The following RAB28 variants were observed in gnomAD, a reference collection of about 807,000 sequenced individuals.
The protein encoded by RAB28 is RAB28, member RAS oncogene family, also known as ras-related protein Rab-28.
RAB28 carries 24 observed loss-of-function variants against 31.7 expected under a neutral mutation model. That is an observed-to-expected ratio of 0.76 (90% CI 0.55 to 1.06). The LOEUF (loss-of-function observed/expected upper bound fraction) is 1.06, where lower values mean the gene tolerates loss of function less well. Ranked by LOEUF, RAB28 falls within the 50% of genes least tolerant of loss-of-function variation. RAB28 has a pLI of 0.00. For missense variants in RAB28, 254 were observed against 258.5 expected, an observed-to-expected ratio of 0.98 and a Z score of 0.12; for synonymous variants, 100 against 90.4, an observed-to-expected ratio of 1.11 and a Z score of -0.60.
intron 4 of RAB28, among the ~76,000 whole-genome samples, chr4:13,408,959 G>T (rs1036706733): frequency 6.6e-5 from 10 of 152,252 alleles, no homozygotes; most frequent in Admixed American, 6.5e-4. Context: ...ATGATATCTT[G>T]CATGCTAAGA....
chr4:13,465,546 C>T (rs1715797168), intron 3 of RAB28, among the ~76,000 whole-genome samples: 1 of 150,966 alleles, frequency 6.6e-6, no homozygotes, highest in Non-Finnish European at 1.5e-5. Context: ...GAATTCTATA[C>T]CCATAAAAAT....
rs766071265 is a variant in RAB28 at position 13,450,764 on chromosome 4, G to A, written c.391+9935C>T. On this transcript the variant is annotated intron_variant, in intron 4 of 6. Transcript: ENST00000330852. ...AAAAAGATGATGTTGAAGGTGAGAT[G>A]TGAATGACAAAATTGAGCTACCTAA... Among the ~76,000 whole-genome samples the A allele has an allele frequency of 5.3e-5, 8 of 151,856 alleles. No homozygotes were observed. In the South Asian group the frequency reaches 1.7e-3, roughly 31 times the overall value.
At chr4:13,431,977 T>A (rs1713831609) in intron 4 of RAB28, among the ~76,000 whole-genome samples, 1 of 151,588 alleles carries the variant, frequency 6.6e-6, no homozygotes, top group South Asian at 2.1e-4. Flanking sequence ...AGATGAAAAA[T>A]TCAAACTATG....
At position 13,418,152 on chromosome 4, in the gene RAB28, A is replaced by G. The variant is rs1041003375; in HGVS notation, c.392-36558T>C. Among the ~76,000 whole-genome samples, 63 of 152,236 alleles carry G rather than the reference A, an allele frequency of 4.1e-4. 2 individuals carry two copies. On this transcript the variant is annotated intron_variant, in intron 4 of 6. Transcript: ENST00000330852. Reference sequence around the variant, plus strand: ...TCGATCAAGTGGAAGCAAGGGTATCAGCGATTGAAGATCAAATTAATGAAA... The same window carrying G: ...TCGATCAAGTGGAAGCAAGGGTATCGGCGATTGAAGATCAAATTAATGAAA...
At chr4:13,479,249 C>G (rs905768130) in intron 2 of RAB28, among the ~76,000 whole-genome samples, 181 bp downstream of exon 2, 1 of 151,400 alleles carries the variant, frequency 6.6e-6, no homozygotes, top group African/African-American at 2.4e-5. Context: ...TTTTCTTATA[C>G]CCATGGACAA....
intron 4 of RAB28, chr4:13,460,048 CTTAGGAA>C: frequency 2.2e-6 from 1 of 456,296 alleles, no homozygotes; most frequent in Non-Finnish European, 3.7e-6. Flanking sequence ...TGTACACACT[CTTAGGAA>C]TTTTCTACTC....
At chr4:13,450,024 CTTAAAA>C (rs557789884) in intron 4 of RAB28, among the ~76,000 whole-genome samples, 25 of 151,840 alleles carry the variant, frequency 1.6e-4, no homozygotes, top group African/African-American at 5.8e-4. Context: ...AAACATTGAA[CTTAAAA>C]TTAATCTTTT....
At chr4:13,430,532 G>A (rs1228669472) in intron 4 of RAB28, among the ~76,000 whole-genome samples, 1 of 152,160 alleles carries the variant, frequency 6.6e-6, no homozygotes, top group African/African-American at 2.4e-5. Flanking sequence ...CACTATTGGT[G>A]GCGATTTGAG....
At chr4:13,427,921 A>C (rs540910024) in intron 4 of RAB28, among the ~76,000 whole-genome samples, 1 of 152,286 alleles carries the variant, frequency 6.6e-6, no homozygotes, top group African/African-American at 2.4e-5. Flanking sequence ...GAGCTTCGGC[A>C]AGACTCACGT....
chr4:13,370,497 C>A (rs1728676638), intron 6 of RAB28: 5 of 787,410 alleles, frequency 6.3e-6, no homozygotes, highest in Non-Finnish European at 7.7e-6. Flanking sequence ...AACACATATA[C>A]AACTAATTGC....
At chr4:13,384,493 C>A (rs765222038) in intron 4 of RAB28, among the ~76,000 whole-genome samples, 3 of 152,160 alleles carry the variant, frequency 2.0e-5, no homozygotes, top group Non-Finnish European at 4.4e-5. Flanking sequence ...TCCAGGAATA[C>A]GTAGGTCCCA....
At chr4:13,395,008 A>G (rs1318962387) in intron 4 of RAB28, among the ~76,000 whole-genome samples, 1 of 152,178 alleles carries the variant, frequency 6.6e-6, no homozygotes, top group African/African-American at 2.4e-5. Flanking sequence ...CGAAAGTCTC[A>G]AATCTAGTCA....
chr4:13,398,320 C>T (rs979037460), intron 4 of RAB28, among the ~76,000 whole-genome samples: 2 of 152,134 alleles, frequency 1.3e-5, no homozygotes, highest in Non-Finnish European at 2.9e-5. Flanking sequence ...TTCAAACTGG[C>T]ACAGTGCTAT....
rs894063138 is a variant in RAB28, at chr4:13,407,164, T to A, written c.392-25570A>T. ...GGTCTAACATTTAAGTCTTTAATCATTCTTGAATTAATTTTTGTATAAGGT... is the reference window on the plus strand; with the variant it reads ...GGTCTAACATTTAAGTCTTTAATCAATCTTGAATTAATTTTTGTATAAGGT... On this transcript the variant is annotated intron_variant, in intron 4 of 6. Transcript: ENST00000330852. 1.1e-4 allele frequency among the ~76,000 whole-genome samples: 16 copies of A among 152,300 alleles called. No homozygotes were observed. The East Asian group carries it at 3.1e-3, about 29-fold the overall frequency.
chr4:13,465,226 A>G (rs7340753), intron 3 of RAB28, among the ~76,000 whole-genome samples: 11,053 of 152,056 alleles, frequency 0.073, 965 homozygotes, highest in African/African-American at 0.21. Context: ...TTTAGGAAGT[A>G]TTTGAAGTAA....
rs747031958 is a variant in RAB28, at chr4:13,460,812, T to C, written c.278A>G (p.Tyr93Cys). 3 of 1,612,642 alleles carry C rather than the reference T, an allele frequency of 1.9e-6. No individual in the cohort carries two copies. The highest frequency in any genetic ancestry group is 1.1e-5 in the South Asian group (1 of 91,008). ...IYGAQGVLLV[Y>C]DITNYQSFEN... The stretch of plus-strand genomic sequence containing the variant: ...AAAGCTTTGATAATTTGTAATATCA[T>C]ATACCAAGAGGACTCCCTGTCACAA... Residue 93 changes from tyrosine (Y) to cysteine (C), a missense_variant, in exon 4 of 7, where the codon TAT becomes TGT. By Grantham distance (194) the Tyr-to-Cys change is radical (BLOSUM62 -2). Transcript: ENST00000330852.
intron 4 of RAB28, among the ~76,000 whole-genome samples, chr4:13,385,011 G>A (rs1432664290): frequency 6.6e-6 from 1 of 152,178 alleles, no homozygotes; most frequent in Non-Finnish European, 1.5e-5. Flanking sequence ...AAAGAATATA[G>A]CTGACCTGAT....
chr4:13,385,315 TAG>T (rs1378106144), intron 4 of RAB28, among the ~76,000 whole-genome samples: 2 of 152,120 alleles, frequency 1.3e-5, no homozygotes, highest in African/African-American at 4.8e-5. Context: ...CCAACCTAGC[TAG>T]AGAGGCCAAC....
chr4:13,371,983 A>T, intron 6 of RAB28: 2 of 985,374 alleles, frequency 2.0e-6, no homozygotes, highest in Non-Finnish European at 3.1e-6. Context: ...ATAAGCAAGA[A>T]AGCAACCTAT....
Sources: allele counts gnomAD v4.1 joint callset (sites outside exome capture counted in the v4.1 genomes callset), GRCh38; gene constraint gnomAD v4.1.1; transcripts MANE v1.5; gene names NCBI Gene and HGNC (gene_info 2026-07-23, HGNC 2026-07-21).